Variants in NCOA1 observed in about 807,000 individuals in gnomAD.
NCOA1 encodes nuclear receptor coactivator 1.
NCOA1 carries 35 observed loss-of-function variants against 150.9 expected under a neutral mutation model. That is an observed-to-expected ratio of 0.23 (90% CI 0.18 to 0.31). The LOEUF is 0.31. Among genes scored for constraint, NCOA1 ranks in the 10% least tolerant of loss-of-function variants. NCOA1 has a pLI of 1.00. For missense variants in NCOA1, 1,491 were observed against 1,749.3 expected (o/e 0.85, Z 2.63); for synonymous variants, 590 against 630.0 (o/e 0.94, Z 0.95).
At chr2:24,606,230 C>CATTATT (rs3030982) in intron 3 of NCOA1, among the ~76,000 whole-genome samples, 33 of 150,764 alleles carry the variant, frequency 2.2e-4, no homozygotes, top group Non-Finnish European at 4.7e-4. Flanking sequence ...TTATTTTTAT[C>CATTATT]ATTATTGTTA....
At chr2:24,691,730 TATA>T in intron 9 of NCOA1, 70 bp downstream of exon 9, 1 of 1,500,576 alleles carries the variant, frequency 6.7e-7, no homozygotes, top group Non-Finnish European at 9.1e-7. Context: ...GGAAATTAAT[TATA>T]AACTGCCTTT....
intron 11 of NCOA1, among the ~76,000 whole-genome samples, chr2:24,702,004 T>G (rs547095309): frequency 6.6e-6 from 1 of 152,286 alleles, no homozygotes; most frequent in African/African-American, 2.4e-5. Flanking sequence ...AGGGAGACCC[T>G]GTCTCAAAAA....
intron 1 of NCOA1, among the ~76,000 whole-genome samples, chr2:24,512,350 A>C (rs1663970496): frequency 6.6e-6 from 1 of 152,228 alleles, no homozygotes; most frequent in African/African-American, 2.4e-5. Flanking sequence ...TTTTGCTTTT[A>C]GCAGTTTAAA....
At chr2:24,739,667 G>T in intron 18 of NCOA1, 134 bp downstream of exon 18, 1 of 569,096 alleles carries the variant, frequency 1.8e-6, no homozygotes, top group Non-Finnish European at 3.0e-6. Context: ...TTTTCTTTGA[G>T]AATGAATTAA....
intron 2 of NCOA1, among the ~76,000 whole-genome samples, chr2:24,566,298 C>T (rs1488317718): frequency 6.6e-6 from 1 of 152,082 alleles, no homozygotes; most frequent in Non-Finnish European, 1.5e-5. Context: ...GTGGGTAGCT[C>T]CTCTCCGCAG....
At chr2:24,604,110 G>A (rs899185269) in intron 3 of NCOA1, among the ~76,000 whole-genome samples, 1 of 152,144 alleles carries the variant, frequency 6.6e-6, no homozygotes, top group African/African-American at 2.4e-5. Flanking sequence ...TATTTTGAAA[G>A]GAATCTTTTT....
intron 3 of NCOA1, among the ~76,000 whole-genome samples, chr2:24,595,697 C>T (rs1228918350): frequency 6.6e-6 from 1 of 151,982 alleles, no homozygotes; most frequent in Non-Finnish European, 1.5e-5. Context: ...AATTGGTGTC[C>T]TAATTGTTTT....
intron 1 of NCOA1, among the ~76,000 whole-genome samples, chr2:24,516,927 CGT>C (rs201039579): frequency 0.15 from 6,185 of 42,132 alleles, 298 homozygotes; most frequent in East Asian, 0.48. Flanking sequence ...TGTGTGCGCG[CGT>C]GTGTATATAT....
At chr2:24,642,341 T>TTTA (rs199825342) in intron 3 of NCOA1, among the ~76,000 whole-genome samples, 3 of 148,074 alleles carry the variant, frequency 2.0e-5, no homozygotes, top group African/African-American at 4.9e-5. Flanking sequence ...ATATATTTTT[T>TTTA]AAAATCTTTA....
At chr2:24,601,954 C>T (rs756468930) in intron 3 of NCOA1, among the ~76,000 whole-genome samples, 35 of 152,094 alleles carry the variant, frequency 2.3e-4, no homozygotes, top group Non-Finnish European at 4.0e-4. Context: ...CTTTCTTTAC[C>T]GGAAGTCAGA....
At chr2:24,544,741 GA>G (rs1417975432) in intron 1 of NCOA1, among the ~76,000 whole-genome samples, 1 of 151,858 alleles carries the variant, frequency 6.6e-6, no homozygotes. Context: ...CCTGTCTCAA[GA>G]AAAAATAAAA....
At chr2:24,529,009 C>T (rs1416892559) in intron 1 of NCOA1, among the ~76,000 whole-genome samples, 1 of 152,168 alleles carries the variant, frequency 6.6e-6, no homozygotes, top group African/African-American at 2.4e-5. Flanking sequence ...GCCTCAGCCT[C>T]CCAGGTAGCT....
At chr2:24,621,855 C>G (rs1308457525) in intron 3 of NCOA1, among the ~76,000 whole-genome samples, 1 of 152,202 alleles carries the variant, frequency 6.6e-6, no homozygotes, top group Non-Finnish European at 1.5e-5. Context: ...CTCTGTCTTT[C>G]TGTATCCTAG....
At chr2:24,599,958 T>G (rs998653788) in intron 3 of NCOA1, among the ~76,000 whole-genome samples, 12 of 152,178 alleles carry the variant, frequency 7.9e-5, no homozygotes, top group African/African-American at 2.7e-4. Flanking sequence ...CTCGAACTCC[T>G]GACCTCAGGT....
chr2:24,558,832 A>C (rs1666185272), intron 1 of NCOA1, among the ~76,000 whole-genome samples: 1 of 152,092 alleles, frequency 6.6e-6, no homozygotes, highest in Non-Finnish European at 1.5e-5. Context: ...TGATACCTAG[A>C]GGTGTGATCT....
At chr2:24,559,286 C>T (rs1666201601) in intron 1 of NCOA1, among the ~76,000 whole-genome samples, 1 of 152,084 alleles carries the variant, frequency 6.6e-6, no homozygotes, top group South Asian at 2.1e-4. Flanking sequence ...TGGGTTTTGT[C>T]ACCGTCATTA....
At chr2:24,652,416 C>A (rs188446648) in intron 4 of NCOA1, among the ~76,000 whole-genome samples, 40 of 152,162 alleles carry the variant, frequency 2.6e-4, no homozygotes, top group African/African-American at 9.2e-4. Context: ...CAACTATTAA[C>A]TTGGGGATAT....
intron 5 of NCOA1, among the ~76,000 whole-genome samples, chr2:24,660,451 T>C (rs909877890): frequency 6.6e-6 from 1 of 152,064 alleles, no homozygotes; most frequent in African/African-American, 2.4e-5. Context: ...TTTTTAATAA[T>C]TATGTGTGTA....
At chr2:24,620,929 A>G (rs1009548938) in intron 3 of NCOA1, among the ~76,000 whole-genome samples, 1 of 152,190 alleles carries the variant, frequency 6.6e-6, no homozygotes, top group African/African-American at 2.4e-5. Context: ...ATTTAAGCTA[A>G]TTAGGGTAAG....
Sources: allele counts gnomAD v4.1 joint callset (sites outside exome capture counted in the v4.1 genomes callset), GRCh38; gene constraint gnomAD v4.1.1; transcripts MANE v1.5; gene names NCBI Gene and HGNC (gene_info 2026-07-23, HGNC 2026-07-21).